TANGO6: variants seen among roughly 807,000 people sequenced by gnomAD.
TANGO6 encodes transport and Golgi organization protein 6 homolog.
Under a neutral mutation model 114.2 loss-of-function variants are expected in TANGO6, and 90 were observed. The ratio of observed to expected loss-of-function variants is 0.79; its 90% confidence interval spans 0.66 to 0.94. TANGO6 has a LOEUF of 0.94. Ranked by LOEUF, TANGO6 falls within the 40% of genes least tolerant of loss-of-function variation. The pLI, the probability that TANGO6 is intolerant of heterozygous loss-of-function variation, is 0.00. For missense variants in TANGO6, 1,274 were observed against 1,315.3 expected (o/e 0.97, Z 0.49); for synonymous variants, 477 against 509.8 (o/e 0.94, Z 0.87).
intron 9 of TANGO6, among the ~76,000 whole-genome samples, chr16:68,906,665 C>T (rs1464322223): frequency 1.3e-5 from 2 of 151,888 alleles, no homozygotes; most frequent in East Asian, 1.9e-4. Context: ...TGTACTACAA[C>T]CTCAAACTCC....
At chr16:69,046,042 T>C (rs1456220858) in intron 17 of TANGO6, among the ~76,000 whole-genome samples, 1 of 129,478 alleles carries the variant, frequency 7.7e-6, no homozygotes, top group African/African-American at 2.8e-5. Context: ...CCAGTCTGGG[T>C]GATAGAGCGA....
In TANGO6 at chr16:68,927,860, C is replaced by A. The variant is rs764383396; in HGVS notation, c.2420C>A (p.Thr807Lys). 56 of 1,613,908 alleles carry A rather than the reference C, an allele frequency of 3.5e-5. No individual in the cohort carries two copies. Among genetic ancestry groups the A allele is most frequent in the Non-Finnish European group, 4.7e-5 (55 of 1,179,892 alleles). The change falls in exon 13 of 18, where the codon ACA becomes AAA. Residue 807 changes from threonine to lysine, a missense_variant. Physicochemically the swap from Thr to Lys is moderately conservative, Grantham distance 78 (BLOSUM62 -1). Coordinates refer to ENST00000261778, the MANE Select transcript of TANGO6 (RefSeq NM_024562.2). ...CAGAGCCATGAGACAGCCCCCCAGA[C>A]AGGCCTGCAGTCAAATGCTCCAATC... ...QQQSHETAPQ[T>K]GLQSNAPIIP...
chr16:68,878,829 T>G (rs964732078), intron 6 of TANGO6, among the ~76,000 whole-genome samples: 1 of 152,014 alleles, frequency 6.6e-6, no homozygotes, highest in Non-Finnish European at 1.5e-5. Flanking sequence ...TCTCAGCACT[T>G]TGGGAGGCTT....
chr16:68,974,294 C>A (rs536201665), intron 15 of TANGO6, 126 bp downstream of exon 15: 14 of 1,052,464 alleles, frequency 1.3e-5, no homozygotes, highest in Non-Finnish European at 2.0e-5. Context: ...CTGGGATGTA[C>A]CCATTTAGGA....
intron 17 of TANGO6, among the ~76,000 whole-genome samples, chr16:69,060,986 G>A (rs1004673459): frequency 1.3e-5 from 2 of 150,300 alleles, no homozygotes; most frequent in South Asian, 2.1e-4. Flanking sequence ...GGGAGACTCC[G>A]TCTAAAAAAA....
intron 15 of TANGO6, among the ~76,000 whole-genome samples, chr16:69,003,610 T>C (rs1165965962): frequency 6.6e-6 from 1 of 152,224 alleles, no homozygotes; most frequent in Non-Finnish European, 1.5e-5. Flanking sequence ...TGTTTTAACA[T>C]AGGGGACCAA....
At chr16:68,997,828 C>G (rs185285264) in intron 15 of TANGO6, among the ~76,000 whole-genome samples, 509 of 152,256 alleles carry the variant, frequency 3.3e-3, no homozygotes, top group Middle Eastern at 0.01. Flanking sequence ...CAAGGGCACC[C>G]TTAATCCTAA....
chr16:69,075,328 A>G (rs1478258495), intron 17 of TANGO6, among the ~76,000 whole-genome samples: 2 of 152,220 alleles, frequency 1.3e-5, no homozygotes, highest in Admixed American at 6.6e-5. Flanking sequence ...AAATGCAAAT[A>G]TAAGAGCATT....
At chr16:69,068,272 G>T (rs1384334804) in intron 17 of TANGO6, among the ~76,000 whole-genome samples, 1 of 152,116 alleles carries the variant, frequency 6.6e-6, no homozygotes, top group Non-Finnish European at 1.5e-5. Flanking sequence ...CTGTACCCCA[G>T]CCTGGGTACA....
intron 2 of TANGO6, among the ~76,000 whole-genome samples, chr16:68,860,798 T>G (rs957958481): frequency 6.6e-6 from 1 of 152,174 alleles, no homozygotes; most frequent in Non-Finnish European, 1.5e-5. Context: ...CTCTGTTTCT[T>G]CTTCTATAAA....
intron 17 of TANGO6, among the ~76,000 whole-genome samples, chr16:69,069,333 T>G (rs1323400962): frequency 1.3e-5 from 2 of 152,232 alleles, no homozygotes; most frequent in African/African-American, 4.8e-5. Context: ...CTGACAATTC[T>G]TGACTCTCTG....
rs1596998421 is a variant in TANGO6 at position 68,872,524 on chromosome 16, A to C, written c.995-2630A>C. 2.0e-5 allele frequency among the ~76,000 whole-genome samples: 3 copies of C among 149,280 alleles called. No homozygotes were observed. In the South Asian group the frequency reaches 6.4e-4, roughly 32 times the overall value. On this transcript the variant is annotated intron_variant, in intron 4 of 17. Transcript: ENST00000261778. ...ACCATGTTGGCCAGGCTGGTCTTGA[A>C]CTCCTGACCTCAGGTGATCCGCCCG... is the stretch of plus-strand genomic sequence containing the variant.
At chr16:68,917,111 T>A (rs1019721364) in intron 11 of TANGO6, among the ~76,000 whole-genome samples, 1 of 152,170 alleles carries the variant, frequency 6.6e-6, no homozygotes, top group Admixed American at 6.5e-5. Context: ...CTTTTTACTG[T>A]CTCCATAGTT....
intron 14 of TANGO6, among the ~76,000 whole-genome samples, chr16:68,936,601 C>T (rs1322263086): frequency 6.6e-6 from 1 of 152,162 alleles, no homozygotes; most frequent in Non-Finnish European, 1.5e-5. Flanking sequence ...TCCTGAAGTG[C>T]TGGGATTACA....
intron 17 of TANGO6, among the ~76,000 whole-genome samples, chr16:69,066,831 T>C (rs888252815): frequency 6.6e-6 from 1 of 152,000 alleles, no homozygotes; most frequent in African/African-American, 2.4e-5. Flanking sequence ...GGTGGGGGGA[T>C]TGCTTGAGGC....
intron 14 of TANGO6, among the ~76,000 whole-genome samples, chr16:68,973,485 G>T (rs867131738): frequency 6.6e-6 from 1 of 152,136 alleles, no homozygotes; most frequent in Non-Finnish European, 1.5e-5. Context: ...TGAGTATGGG[G>T]CTGGGCTCAG....
intron 17 of TANGO6, among the ~76,000 whole-genome samples, chr16:69,048,545 T>C (rs1959898160): frequency 2.0e-5 from 3 of 151,998 alleles, no homozygotes; most frequent in African/African-American, 7.2e-5. Context: ...TAATTATTAA[T>C]TGACAGCTGT....
rs757899122 is a variant in TANGO6, at chr16:69,022,949, G to A, written c.2964G>A (p.Leu988=). ...LANLGELCQR[L]DFLLGSVVHE... ...ACCTTGGGGAGCTGTGCCAGAGGCTGGACTTTCTGCTGGGCTCCGTGGTCC... is the reference window on the plus strand; with the variant it reads ...ACCTTGGGGAGCTGTGCCAGAGGCTAGACTTTCTGCTGGGCTCCGTGGTCC... The change falls in exon 16 of 18, where the codon CTG becomes CTA. Residue 988 remains leucine (L), a synonymous_variant. Transcript: ENST00000261778. 1.2e-5 allele frequency: 20 copies of A among 1,601,242 alleles called. No homozygotes were observed. The Admixed American group carries it at 1.9e-4, about 16-fold the overall frequency.
intron 15 of TANGO6, among the ~76,000 whole-genome samples, chr16:69,008,946 T>G (rs1964120379): frequency 6.6e-6 from 1 of 151,806 alleles, no homozygotes; most frequent in Admixed American, 6.6e-5. Context: ...CCGGCTGAAG[T>G]TAATTTTGTA....
Sources: gnomAD v4.1 joint callset for allele counts (sites outside exome capture counted in the v4.1 genomes callset) on GRCh38, gnomAD v4.1.1 for gene constraint, MANE v1.5 for transcripts, NCBI Gene and HGNC (gene_info 2026-07-23, HGNC 2026-07-21) for gene names.